Variants in OLFM2 observed in about 807,000 individuals in gnomAD.
The protein encoded by OLFM2 is noelin-2.
In OLFM2, 20 loss-of-function variants were observed where a neutral mutation model predicts 43.9. That is an observed-to-expected ratio of 0.46 (90% CI 0.32 to 0.66). OLFM2 has a LOEUF of 0.66. OLFM2 is among the 30% of genes least tolerant of loss of function. The probability of loss-of-function intolerance (pLI) is 0.04; values close to 1 mark genes in which losing one functional copy is unlikely to be tolerated. For synonymous variants in OLFM2, 268 were observed against 278.6 expected, an observed-to-expected ratio of 0.96 and a Z score of 0.38; for missense variants, 416 against 643.6, an observed-to-expected ratio of 0.65 and a Z score of 3.83.
chr19:9,900,740 G>A (rs371801114), intron 1 of OLFM2, among the ~76,000 whole-genome samples: 1 of 151,102 alleles, frequency 6.6e-6, no homozygotes, highest in Non-Finnish European at 1.5e-5. Context: ...AAAAATTAAA[G>A]ATTAGCTGAG....
At chr19:9,855,840 T>C (rs1040985264) in intron 5 of OLFM2, among the ~76,000 whole-genome samples, 1 of 151,904 alleles carries the variant, frequency 6.6e-6, no homozygotes, top group Non-Finnish European at 1.5e-5. Context: ...CTGGCCACTA[T>C]TGATCTTAAA....
At chr19:9,931,266 T>C (rs1318092290) in intron 1 of OLFM2, among the ~76,000 whole-genome samples, 1 of 152,188 alleles carries the variant, frequency 6.6e-6, no homozygotes, top group African/African-American at 2.4e-5. Flanking sequence ...TTCTTTTTTG[T>C]GGAGACAGGG....
chr19:9,890,154 C>T (rs2046625616), intron 1 of OLFM2, among the ~76,000 whole-genome samples: 1 of 152,094 alleles, frequency 6.6e-6, no homozygotes, highest in African/African-American at 2.4e-5. Context: ...ACGGGGAAGG[C>T]GCTGGGCTGG....
At chr19:9,874,633 A>G (rs2046470714) in intron 1 of OLFM2, among the ~76,000 whole-genome samples, 1 of 151,966 alleles carries the variant, frequency 6.6e-6, no homozygotes. Flanking sequence ...GGTGTGCACC[A>G]CCATGCCTGG....
intron 1 of OLFM2, among the ~76,000 whole-genome samples, chr19:9,866,023 TC>T: frequency 6.6e-6 from 1 of 152,262 alleles, no homozygotes; most frequent in East Asian, 1.9e-4. Context: ...CCATTTTCTC[TC>T]GACAGAGGAA....
At chr19:9,922,933 A>AAAAAG (rs1001827349) in intron 1 of OLFM2, among the ~76,000 whole-genome samples, 5 of 152,046 alleles carry the variant, frequency 3.3e-5, no homozygotes, top group African/African-American at 9.6e-5. Context: ...AAAGAAAGAA[A>AAAAAG]AAAAGAAAAG....
At chr19:9,895,168 G>A (rs1172225247) in intron 1 of OLFM2, among the ~76,000 whole-genome samples, 4 of 151,998 alleles carry the variant, frequency 2.6e-5, no homozygotes, top group Non-Finnish European at 5.9e-5. Flanking sequence ...CTATCACCAT[G>A]CAATGGTCCA....
At chr19:9,896,635 T>C (rs2046687900) in intron 1 of OLFM2, among the ~76,000 whole-genome samples, 1 of 152,176 alleles carries the variant, frequency 6.6e-6, no homozygotes, top group South Asian at 2.1e-4. Context: ...CATAAGCAAT[T>C]CCCTCTGCGC....
At chr19:9,917,369 T>TTG (rs1458183701) in intron 1 of OLFM2, among the ~76,000 whole-genome samples, 1 of 143,294 alleles carries the variant, frequency 7.0e-6, no homozygotes, top group Non-Finnish European at 1.5e-5. Flanking sequence ...TGCTCTGTCA[T>TTG]TGTGTGGGTC....
At chr19:9,877,564 A>AC (rs1277870710) in intron 1 of OLFM2, among the ~76,000 whole-genome samples, 4 of 150,566 alleles carry the variant, frequency 2.7e-5, no homozygotes, top group Non-Finnish European at 4.4e-5. Context: ...ATAAATAAAT[A>AC]AATAAATAAA....
chr19:9,906,092 C>T (rs1461881491), intron 1 of OLFM2, among the ~76,000 whole-genome samples: 1 of 152,206 alleles, frequency 6.6e-6, no homozygotes, highest in African/African-American at 2.4e-5. Context: ...CAGGGGCACA[C>T]ACACACCCAA....
At chr19:9,928,929 T>C (rs2086468187) in intron 1 of OLFM2, among the ~76,000 whole-genome samples, 1 of 151,990 alleles carries the variant, frequency 6.6e-6, no homozygotes, top group African/African-American at 2.4e-5. Context: ...ATGGATGAAG[T>C]TGCAAGACAC....
intron 1 of OLFM2, among the ~76,000 whole-genome samples, chr19:9,880,908 G>C (rs2046534494): frequency 6.6e-6 from 1 of 151,974 alleles, no homozygotes; most frequent in Admixed American, 6.6e-5. Context: ...CAGACCCAAG[G>C]ATTTTCTGAG....
At chr19:9,922,085 C>T (rs572031185) in intron 1 of OLFM2, among the ~76,000 whole-genome samples, 45 of 149,142 alleles carry the variant, frequency 3.0e-4, no homozygotes, top group African/African-American at 1.1e-3. Context: ...CAGAGTGAGA[C>T]CCTGTCTCAA....
chr19:9,874,412 C>T (rs1047220679), intron 1 of OLFM2, among the ~76,000 whole-genome samples: 3 of 151,378 alleles, frequency 2.0e-5, no homozygotes, highest in African/African-American at 7.3e-5. Flanking sequence ...AGTGACCCTC[C>T]CACCTAAGCC....
At chr19:9,905,339 C>T (rs1371356416) in intron 1 of OLFM2, among the ~76,000 whole-genome samples, 1 of 152,052 alleles carries the variant, frequency 6.6e-6, no homozygotes, top group Non-Finnish European at 1.5e-5. Context: ...CGCCTGTGGT[C>T]CCAGCTACTC....
intron 1 of OLFM2, among the ~76,000 whole-genome samples, chr19:9,915,296 C>T (rs1390101667): frequency 5.4e-5 from 8 of 147,482 alleles, no homozygotes; most frequent in East Asian, 2.0e-4. Flanking sequence ...AGGCTGGTCT[C>T]GAACCCCTGG....
At chr19:9,884,811 T>C (rs771521053) in intron 1 of OLFM2, among the ~76,000 whole-genome samples, 10 of 152,216 alleles carry the variant, frequency 6.6e-5, no homozygotes, top group Non-Finnish European at 1.3e-4. Context: ...AGGGCAGGGC[T>C]GAGTCTGTCT....
chr19:9,891,066 C>A (rs1407308678), intron 1 of OLFM2, among the ~76,000 whole-genome samples: 1 of 152,182 alleles, frequency 6.6e-6, no homozygotes, highest in Non-Finnish European at 1.5e-5. Flanking sequence ...GTAATCCCAG[C>A]ACTTTGGTAG....
Sources: gnomAD v4.1 joint callset for allele counts (sites outside exome capture counted in the v4.1 genomes callset) on GRCh38, gnomAD v4.1.1 for gene constraint, MANE v1.5 for transcripts, NCBI Gene and HGNC (gene_info 2026-07-23, HGNC 2026-07-21) for gene names.